The following USP40 variants were observed in gnomAD, a reference collection of about 807,000 sequenced individuals.
USP40 encodes ubiquitin carboxyl-terminal hydrolase 40.
A neutral mutation model predicts 166.2 loss-of-function variants in USP40; 143 were observed. The observed-to-expected ratio is 0.86, with a 90% CI of 0.75 to 0.99. The LOEUF is 0.99. USP40 is among the 50% of genes least tolerant of loss of function. The probability of loss-of-function intolerance (pLI) is 0.00; values close to 1 mark genes in which losing one functional copy is unlikely to be tolerated. For synonymous variants in USP40, 498 were observed against 524.0 expected, an observed-to-expected ratio of 0.95 and a Z score of 0.68; for missense variants, 1,444 against 1,479.7, an observed-to-expected ratio of 0.98 and a Z score of 0.40.
In USP40 at chr2:233,488,208, G is replaced by A. The variant is rs2065070782; in HGVS notation, c.3197+31C>T. 4 of 1,574,346 alleles carry A rather than the reference G, an allele frequency of 2.5e-6. No individual in the cohort carries two copies. The East Asian group carries it at 9.0e-5, about 36-fold the overall frequency. On this transcript the variant is annotated intron_variant, in intron 28 of 31. Coordinates refer to ENST00000678225, the MANE Select transcript of USP40 (RefSeq NM_001365479.2). ...GCAAACGAGGTTAAGATACGTGTGT[G>A]TCACTTCAGATGCACAGGAGAATTT...
intron 12 of USP40, among the ~76,000 whole-genome samples, chr2:233,528,678 T>C (rs1216220966): frequency 6.6e-6 from 1 of 152,180 alleles, no homozygotes; most frequent in East Asian, 1.9e-4. Flanking sequence ...GTATCTTGGT[T>C]TTTGTTGTTT....
chr2:233,516,148 T>C (rs1031669681), intron 18 of USP40, among the ~76,000 whole-genome samples: 1 of 152,136 alleles, frequency 6.6e-6, no homozygotes, highest in Non-Finnish European at 1.5e-5. Flanking sequence ...TTGTAGGCCA[T>C]AGTTTGCTGA....
intron 8 of USP40, among the ~76,000 whole-genome samples, chr2:233,545,266 A>G (rs2069803330): frequency 6.6e-6 from 1 of 152,200 alleles, no homozygotes; most frequent in African/African-American, 2.4e-5. Context: ...AAATGACAGG[A>G]GGGAAGAGGC....
chr2:233,510,390 T>TTC (rs1264752164), intron 20 of USP40, among the ~76,000 whole-genome samples: 1 of 139,236 alleles, frequency 7.2e-6, no homozygotes, highest in Admixed American at 7.2e-5. Flanking sequence ...TTCTTTTTCT[T>TTC]TCTTTTTTTT....
rs1559285116 is a variant in USP40, at chr2:233,556,817, C to T, written c.546+38G>A. The stretch of plus-strand genomic sequence containing the variant: ...ATTTAATTACATGGATTATAATTTA[C>T]AACATAACTTATTACTAAAATACTC... On this transcript the variant is annotated intron_variant, in intron 5 of 31. Coordinates refer to ENST00000678225, the MANE Select transcript of USP40 (RefSeq NM_001365479.2). 1.9e-6 allele frequency: 3 copies of T among 1,558,078 alleles called. No individual in the cohort carries two copies. The African/African-American group carries it at 4.1e-5, about 21-fold the overall frequency.
chr2:233,549,182 A>G lies in USP40; in HGVS notation c.885T>C (p.Ile295=). 1 of 1,550,568 alleles carries G rather than the reference A, an allele frequency of 6.4e-7. No homozygotes were observed. ...CTCCGTAGCAGCCACCTTTGTGTAT[A>G]ATAACTGAGAAGAGGTCATATATAT... ...LEYIYDLFSV[I]IHKGGCYGGH... is the part of the protein sequence containing the mutation. The change falls in exon 8 of 32, where the codon ATT becomes ATC. Residue 295 remains isoleucine, a synonymous_variant. Transcript: ENST00000678225.
At chr2:233,546,706 C>G (rs938500156) in intron 8 of USP40, 1 of 152,176 alleles carries the variant, frequency 6.6e-6, no homozygotes, top group African/African-American at 2.4e-5. Context: ...CATGGACAAG[C>G]TTCGATCAGA....
At chr2:233,519,785 T>C in intron 17 of USP40, 114 bp from the exon 18 acceptor site, 1 of 587,620 alleles carries the variant, frequency 1.7e-6, no homozygotes, top group Non-Finnish European at 2.8e-6. Flanking sequence ...ACCTGACATT[T>C]AGTAGTTTTT....
chr2:233,503,214 C>T (rs1466513338), intron 21 of USP40, among the ~76,000 whole-genome samples: 1 of 151,624 alleles, frequency 6.6e-6, no homozygotes, highest in African/African-American at 2.4e-5. Flanking sequence ...TTGAAATAAC[C>T]CAGTCAGAAG....
At chr2:233,492,369 T>C (rs1204493652) in intron 25 of USP40, among the ~76,000 whole-genome samples, 1 of 152,216 alleles carries the variant, frequency 6.6e-6, no homozygotes, top group Non-Finnish European at 1.5e-5. Context: ...TCAAAACATA[T>C]TCATGTTGTT....
intron 18 of USP40, among the ~76,000 whole-genome samples, chr2:233,518,149 C>T (rs956348788): frequency 4.7e-5 from 7 of 148,852 alleles, no homozygotes; most frequent in Non-Finnish European, 5.9e-5. Context: ...TGTAACCAAA[C>T]ACCACCTGTA....
chr2:233,504,719 A>T (rs1165421409), intron 21 of USP40, among the ~76,000 whole-genome samples: 1 of 152,072 alleles, frequency 6.6e-6, no homozygotes, highest in Non-Finnish European at 1.5e-5. Context: ...AGCTAATATT[A>T]TTAGACCTCT....
intron 11 of USP40, among the ~76,000 whole-genome samples, chr2:233,531,389 C>T (rs1459993572): frequency 7.2e-5 from 11 of 152,112 alleles, no homozygotes; most frequent in African/African-American, 2.7e-4. Context: ...TCCCTTCATT[C>T]CCAAAAAAGT....
chr2:233,523,026 C>G (rs2067762654), intron 16 of USP40, 144 bp downstream of exon 16: 1 of 926,552 alleles, frequency 1.1e-6, no homozygotes, highest in South Asian at 1.9e-5. Flanking sequence ...CTAAAACATT[C>G]CTGTATGCAA....
intron 5 of USP40, among the ~76,000 whole-genome samples, chr2:233,555,243 C>T (rs1300219741): frequency 1.3e-5 from 2 of 152,128 alleles, no homozygotes; most frequent in Non-Finnish European, 2.9e-5. Context: ...CTATGAAAAT[C>T]CAAGAGAATA....
chr2:233,544,930 C>G (rs73996118), intron 8 of USP40, among the ~76,000 whole-genome samples: 4,665 of 152,196 alleles, frequency 0.031, 217 homozygotes, highest in African/African-American at 0.11. Context: ...TGCTCTAAAA[C>G]CATCAATTTG....
chr2:233,542,392 T>C, intron 8 of USP40, 29 bp from the exon 9 acceptor site: 1 of 1,332,320 alleles, frequency 7.5e-7, no homozygotes, highest in East Asian at 2.5e-5. Flanking sequence ...TGAGTTTCTA[T>C]CACTAACCCC....
intron 8 of USP40, among the ~76,000 whole-genome samples, chr2:233,548,862 T>G (rs1198717218): frequency 6.6e-6 from 1 of 152,138 alleles, no homozygotes; most frequent in African/African-American, 2.4e-5. Flanking sequence ...ATGTTAACAA[T>G]TAGAGAATCT....
rs907413290 is a variant in USP40, at chr2:233,486,205, G to GC, written c.3198-229dup. Among the ~76,000 whole-genome samples, 15 of 152,068 alleles carry GC rather than the reference G, an allele frequency of 9.9e-5. No individual in the cohort carries two copies. The highest frequency in any genetic ancestry group is 6.2e-4 in the South Asian group (3 of 4,818). On this transcript the variant is annotated intron_variant, in intron 28 of 31. Transcript: ENST00000678225. This position sits in a 1 kb window ranked among gnomAD's most constrained non-coding sequence, Gnocchi z 4.0. ...GATCCCATTCTCGGTACACAGCAGA[G>GC]CCCCCCCAGACGTGGTAGGGAACTT...
Sources: gnomAD v4.1 joint callset for allele counts (sites outside exome capture counted in the v4.1 genomes callset) on GRCh38, gnomAD v4.1.1 for gene constraint, Gnocchi (gnomAD v3.1) non-coding constraint, MANE v1.5 for transcripts, NCBI Gene and HGNC (gene_info 2026-07-23, HGNC 2026-07-21) for gene names.